Variants in EIF2A observed in about 807,000 individuals in gnomAD.
EIF2A encodes the protein 65 kDa eukaryotic translation initiation factor 2A.
EIF2A carries 62 observed loss-of-function variants against 75.2 expected under a neutral mutation model. That is an observed-to-expected ratio of 0.82 (90% CI 0.67 to 1.02). EIF2A has a LOEUF of 1.02. Among genes scored for constraint, EIF2A ranks in the 50% least tolerant of loss-of-function variants. The pLI, the probability that EIF2A is intolerant of heterozygous loss-of-function variation, is 0.00. For missense variants in EIF2A, 611 were observed against 677.7 expected (o/e 0.90, Z 1.09); for synonymous variants, 207 against 239.0 (o/e 0.87, Z 1.23).
Position 150,572,561 on chromosome 3 carries a change from A to G in EIF2A, c.1383+32A>G, listed in dbSNP as rs188340118. The G allele has an allele frequency of 1.1e-4, 174 of 1,563,962 alleles. No homozygotes were observed. In the African/African-American group the frequency reaches 2.0e-3, roughly 18 times the overall value. On this transcript the variant is annotated intron_variant, in intron 10 of 13. Coordinates refer to ENST00000460851, the MANE Select transcript of EIF2A (RefSeq NM_032025.5). The stretch of plus-strand genomic sequence containing the variant: ...AAAGTTTTACTACTTTTATAGAAAA[A>G]AGTTTATTTTGGGCCAGGAGTGGTG...
At chr3:150,565,345 T>A (rs1244530608) in intron 6 of EIF2A, 1 of 347,438 alleles carries the variant, frequency 2.9e-6, no homozygotes, top group Non-Finnish European at 5.8e-6. Flanking sequence ...CATGCCTGGA[T>A]GCATTATTTC....
rs1160210781 is a variant in EIF2A, at chr3:150,552,415, G to T, written c.88G>T (p.Val30Leu). The T allele has an allele frequency of 5.2e-6, 8 of 1,552,914 alleles. No individual in the cohort carries two copies. The highest frequency in any genetic ancestry group is 7.0e-6 in the Non-Finnish European group (8 of 1,147,328). Residue 30 changes from valine to leucine, a missense_variant, in exon 2 of 14, where the codon GTG (valine) becomes TTG (leucine). Transcript: ENST00000460851. ...ACCACCACATTTTACAGAAAGCACA[G>T]TGTTTCCAAGGTATGATTTATTTTG... The part of the protein sequence containing the change: ...NGPPHFTEST[V>L]FPRESGKNCK...
intron 3 of EIF2A, among the ~76,000 whole-genome samples, chr3:150,562,283 G>T (rs1356563160): frequency 4.0e-5 from 6 of 151,792 alleles, no homozygotes; most frequent in South Asian, 2.1e-4. Flanking sequence ...TTAGCCGGGC[G>T]TGGTGGCGGG....
At position 150,572,316 on chromosome 3, in the gene EIF2A, G is replaced by T. The variant is rs1433441605; in HGVS notation, c.1170G>T (p.Trp390Cys). The part of the protein sequence containing the change: ...RLRVNNGYKI[W>C]HYTGSILHKY... ...GGGTTAATAATGGATACAAAATTTG[G>T]CATTATACTGGCTCTATCTTGCACA... Residue 390 changes from tryptophan (W) to cysteine (C), a missense_variant, in exon 10 of 14, where the codon TGG (tryptophan) becomes TGT (cysteine). Trp to Cys is a radical substitution (Grantham distance 215, BLOSUM62 -2). Transcript: ENST00000460851. The T allele has an allele frequency of 6.2e-7, 1 of 1,613,804 alleles. No homozygotes were observed. The highest frequency in any genetic ancestry group is 8.5e-7 in the Non-Finnish European group (1 of 1,179,876).
intron 2 of EIF2A, 45 bp downstream of exon 2, chr3:150,552,470 C>G: frequency 6.8e-7 from 1 of 1,481,276 alleles, no homozygotes; most frequent in African/African-American, 1.4e-5. Context: ...ACATACAGTA[C>G]AATCTAAAAT....
chr3:150,583,366 A>G, intron 13 of EIF2A, 101 bp downstream of exon 13: 1 of 1,153,348 alleles, frequency 8.7e-7, no homozygotes, highest in Non-Finnish European at 1.2e-6. Flanking sequence ...ATGGAGTTTA[A>G]AAACTTATTT....
At chr3:150,576,654 C>T (rs1271628087) in intron 11 of EIF2A, among the ~76,000 whole-genome samples, 1 of 152,044 alleles carries the variant, frequency 6.6e-6, no homozygotes, top group African/African-American at 2.4e-5. Context: ...CTTTTGGTGG[C>T]ACTTGTGTGA....
intron 11 of EIF2A, among the ~76,000 whole-genome samples, chr3:150,579,702 C>CA (rs66761185): frequency 0.014 from 1,870 of 134,070 alleles, 29 homozygotes; most frequent in African/African-American, 0.044. Context: ...ACTCTGTCTC[C>CA]AAAAAAAAAA....
At chr3:150,559,731 T>C (rs575605253) in intron 3 of EIF2A, among the ~76,000 whole-genome samples, 7 of 152,188 alleles carry the variant, frequency 4.6e-5, no homozygotes, top group East Asian at 3.9e-4. Flanking sequence ...CCTCAAGTGA[T>C]CCACCCGCTT....
At chr3:150,580,517 T>C (rs1725124158) in intron 11 of EIF2A, among the ~76,000 whole-genome samples, 1 of 152,230 alleles carries the variant, frequency 6.6e-6, no homozygotes, top group Non-Finnish European at 1.5e-5. Context: ...ACCACGGCTA[T>C]AACTTGCAGT....
intron 10 of EIF2A, 81 bp from the exon 11 acceptor site, chr3:150,575,568 T>C: frequency 9.7e-7 from 1 of 1,029,062 alleles, no homozygotes; most frequent in East Asian, 2.7e-5. Flanking sequence ...GTTTATCCTA[T>C]ATTAGCAGAA....
chr3:150,566,936 C>A (rs1017471387), intron 6 of EIF2A: 1 of 152,202 alleles, frequency 6.6e-6, no homozygotes, highest in Non-Finnish European at 1.5e-5. Context: ...GAGCAGCATC[C>A]AATCAGTATA....
chr3:150,555,933 C>G (rs991194763), intron 2 of EIF2A, among the ~76,000 whole-genome samples: 6 of 152,056 alleles, frequency 3.9e-5, no homozygotes, highest in African/African-American at 1.4e-4. Context: ...ATTTTTGTCT[C>G]CAGAAAGGCT....
intron 6 of EIF2A, chr3:150,565,775 T>C (rs3209262): frequency 0.2 from 30,153 of 149,222 alleles, 3,739 homozygotes; most frequent in East Asian, 0.4. Flanking sequence ...CCAGGCTGTT[T>C]TTTAGTTCCA....
At chr3:150,569,434 A>G (rs1265759202) in intron 9 of EIF2A, among the ~76,000 whole-genome samples, 1 of 149,190 alleles carries the variant, frequency 6.7e-6, no homozygotes, top group Non-Finnish European at 1.5e-5. Flanking sequence ...TTTTTTTTTA[A>G]CTAAATAAAC....
Position 150,567,953 on chromosome 3 carries a change from T to C in EIF2A, c.601T>C (p.Tyr201His), listed in dbSNP as rs759712540. The change falls in exon 8 of 14, where the codon TAT (tyrosine) becomes CAT (histidine). Residue 201 changes from tyrosine (Y) to histidine (H), a missense_variant. Coordinates refer to ENST00000460851, the MANE Select transcript of EIF2A (RefSeq NM_032025.5). ...SKGAPSFVRLYQYPNFAGPHA... is the reference protein window; with the variant it reads ...SKGAPSFVRLHQYPNFAGPHA... ...AGGTGCACCTTCATTTGTTAGATTA[T>C]ATCAGTACCCCAACTTTGCTGGACC... 6.2e-6 allele frequency: 10 copies of C among 1,613,360 alleles called. No homozygotes were observed. Among genetic ancestry groups the C allele is most frequent in the Admixed American group, 1.7e-5 (1 of 59,912 alleles).
intron 1 of EIF2A, among the ~76,000 whole-genome samples, chr3:150,548,301 G>A (rs958200388): frequency 2.0e-5 from 3 of 152,080 alleles, no homozygotes; most frequent in Admixed American, 1.3e-4. Flanking sequence ...GAAGCCTTTC[G>A]TCACTCTACC....
intron 5 of EIF2A, 85 bp downstream of exon 5, chr3:150,563,699 T>C: frequency 9.3e-7 from 1 of 1,071,546 alleles, no homozygotes; most frequent in South Asian, 1.9e-5. Context: ...TGATATTGAT[T>C]TAAAAAATAA....
At chr3:150,564,459 G>C in intron 6 of EIF2A, 78 bp downstream of exon 6, 1 of 1,140,950 alleles carries the variant, frequency 8.8e-7, no homozygotes, top group Non-Finnish European at 1.2e-6. Context: ...TGACATCATA[G>C]GGTTTTCCTA....
Sources: gnomAD v4.1 joint callset for allele counts (sites outside exome capture counted in the v4.1 genomes callset) on GRCh38, gnomAD v4.1.1 for gene constraint, MANE v1.5 for transcripts, NCBI Gene and HGNC (gene_info 2026-07-23, HGNC 2026-07-21) for gene names.